Variants in SPATA7 observed in about 807,000 individuals in gnomAD.
SPATA7 encodes the protein spermatogenesis associated 7.
SPATA7 carries 43 observed loss-of-function variants against 51.8 expected under a neutral mutation model. That is an observed-to-expected ratio of 0.83 (90% CI 0.65 to 1.07). The LOEUF (loss-of-function observed/expected upper bound fraction) is 1.07, where lower values mean the gene tolerates loss of function less well. SPATA7 is among the 50% of genes least tolerant of loss of function. SPATA7 has a pLI of 0.00. For missense variants in SPATA7, 683 were observed against 701.3 expected (o/e 0.97, Z 0.30); for synonymous variants, 230 against 252.8 (o/e 0.91, Z 0.86).
intron 1 of SPATA7, among the ~76,000 whole-genome samples, chr14:88,390,996 A>G (rs2075729192): frequency 1.3e-5 from 2 of 152,210 alleles, no homozygotes; most frequent in South Asian, 4.2e-4. Context: ...TATTCTGACA[A>G]GCTTTGTTCT....
chr14:88,427,610 T>C lies in SPATA7; in HGVS notation c.846-20T>C, dbSNP rs796370859. 1.3e-6 allele frequency: 2 copies of C among 1,542,166 alleles called. No homozygotes were observed. Among genetic ancestry groups the C allele is most frequent in the African/African-American group, 2.8e-5 (2 of 72,682 alleles). ...TTATATTTTGAAGGATTAACAATTATTTATTTTAAATTATTACAGCTTTAA... is the reference window on the plus strand; with the variant it reads ...TTATATTTTGAAGGATTAACAATTACTTATTTTAAATTATTACAGCTTTAA... On this transcript the variant is annotated intron_variant, in intron 6 of 11. Transcript: ENST00000393545.
intron 3 of SPATA7, among the ~76,000 whole-genome samples, chr14:88,452,509 T>C (rs901908307): frequency 6.6e-6 from 1 of 152,164 alleles, no homozygotes; most frequent in Non-Finnish European, 1.5e-5. Context: ...TGTCCTTTTT[T>C]TTGGAGTTCT....
intron 2 of SPATA7, 129 bp from the exon 3 acceptor site, chr14:88,393,264 G>A (rs2075791345): frequency 2.9e-6 from 2 of 684,700 alleles, no homozygotes; most frequent in Non-Finnish European, 5.0e-6. Context: ...ACATCACAAT[G>A]TCATATATCA....
chr14:88,458,334 G>T (rs2077297732), downstream of SPATA7, among the ~76,000 whole-genome samples: 1 of 152,146 alleles, frequency 6.6e-6, no homozygotes, highest in African/African-American at 2.4e-5. Context: ...GTAGAATTCG[G>T]CTGTGAATCC....
At chr14:88,388,004 C>T (rs1021050123) in intron 1 of SPATA7, among the ~76,000 whole-genome samples, 2 of 152,066 alleles carry the variant, frequency 1.3e-5, no homozygotes, top group African/African-American at 4.8e-5. Flanking sequence ...AGTTTGAGAC[C>T]AGCCTGGGCA....
At chr14:88,419,561 T>G (rs1441361234) in intron 5 of SPATA7, among the ~76,000 whole-genome samples, 1 of 151,446 alleles carries the variant, frequency 6.6e-6, no homozygotes, top group African/African-American at 2.4e-5. Context: ...GAGTCTCGCT[T>G]TTTTACCCAG....
intron 4 of SPATA7, among the ~76,000 whole-genome samples, chr14:88,409,177 G>A (rs369575605): frequency 5.9e-5 from 9 of 152,106 alleles, no homozygotes; most frequent in African/African-American, 2.2e-4. Context: ...AATGGTACCA[G>A]CTCCTCTTTG....
chr14:88,448,735 T>A, intron 3 of SPATA7, among the ~76,000 whole-genome samples: 1 of 152,148 alleles, frequency 6.6e-6, no homozygotes, highest in Non-Finnish European at 1.5e-5. Flanking sequence ...TCTGTTGGAG[T>A]ACCCAGCCGT....
intron 4 of SPATA7, among the ~76,000 whole-genome samples, chr14:88,400,837 A>G (rs2076036779): frequency 6.6e-6 from 1 of 152,202 alleles, no homozygotes; most frequent in Non-Finnish European, 1.5e-5. Flanking sequence ...AAAATCTCAA[A>G]AAAATAAAAT....
chr14:88,459,574 TTCC>T (rs1265032810), downstream of SPATA7, among the ~76,000 whole-genome samples: 1 of 152,202 alleles, frequency 6.6e-6, no homozygotes, highest in African/African-American at 2.4e-5. Context: ...TTGGTAGATC[TTCC>T]TCCATCCCTT....
At chr14:88,462,934 C>T (rs1378702100) in intron 4 of SPATA7, among the ~76,000 whole-genome samples, 1 of 152,166 alleles carries the variant, frequency 6.6e-6, no homozygotes, top group Non-Finnish European at 1.5e-5. Context: ...TATATGGTTA[C>T]TATCCCTTTA....
intron 2 of SPATA7, among the ~76,000 whole-genome samples, chr14:88,392,805 C>T (rs570465259): frequency 1.1e-4 from 16 of 151,820 alleles, no homozygotes; most frequent in African/African-American, 3.9e-4. Context: ...TTAACTATTT[C>T]TAAGATTTCT....
At chr14:88,419,240 TAG>T (rs2076569036) in intron 5 of SPATA7, among the ~76,000 whole-genome samples, 1 of 152,100 alleles carries the variant, frequency 6.6e-6, no homozygotes, top group Non-Finnish European at 1.5e-5. Context: ...TTAGAGATAT[TAG>T]AGATACAGAA....
At chr14:88,441,909 T>G (rs1254854463), downstream of SPATA7, among the ~76,000 whole-genome samples, 1 of 152,222 alleles carries the variant, frequency 6.6e-6, no homozygotes, top group African/African-American at 2.4e-5. Flanking sequence ...TCATGAACAC[T>G]TTGCCTAAGC....
rs143203893 is a variant in SPATA7 at position 88,433,634 on chromosome 14, G to A, written c.1160+422G>A. Among the ~76,000 whole-genome samples the A allele has an allele frequency of 5.9e-3, 904 of 152,188 alleles. 12 individuals are homozygous for A. Among genetic ancestry groups the A allele is most frequent in the South Asian group, 0.055 (266 of 4,820 alleles). On this transcript the variant is annotated intron_variant, in intron 10 of 11. Transcript: ENST00000393545. Reference sequence around the variant, plus strand: ...AACAAATTAAGAGCTAGGTTTGCACGCTGTAAGTTAAATGGAAAGTTTGCA... The same window carrying A: ...AACAAATTAAGAGCTAGGTTTGCACACTGTAAGTTAAATGGAAAGTTTGCA...
intron 3 of SPATA7, among the ~76,000 whole-genome samples, chr14:88,444,364 G>A (rs918411386): frequency 1.4e-4 from 21 of 151,922 alleles, no homozygotes; most frequent in South Asian, 1.3e-3. Flanking sequence ...GTTTGAGTTC[G>A]TTGTAGATTC....
At chr14:88,386,035 C>T (rs1375894412) in intron 1 of SPATA7, 198 bp downstream of exon 1, 11 of 1,444,614 alleles carry the variant, frequency 7.6e-6, no homozygotes, top group Non-Finnish European at 1.0e-5. Flanking sequence ...CTCGCAGGTC[C>T]GCTTCTTTGC....
chr14:88,393,652 A>C (rs1392899228), intron 3 of SPATA7, 164 bp downstream of exon 3: 5 of 543,712 alleles, frequency 9.2e-6, no homozygotes, highest in Non-Finnish European at 1.6e-5. Flanking sequence ...TACTTAGCAA[A>C]TTCATACCCA....
intron 3 of SPATA7, among the ~76,000 whole-genome samples, chr14:88,451,943 G>A (rs1481129570): frequency 6.6e-6 from 1 of 152,098 alleles, no homozygotes; most frequent in African/African-American, 2.4e-5. Context: ...TTTTGTCTTG[G>A]TTTGGATCCA....
Sources: gnomAD v4.1 joint callset for allele counts (sites outside exome capture counted in the v4.1 genomes callset) on GRCh38, gnomAD v4.1.1 for gene constraint, MANE v1.5 for transcripts, NCBI Gene and HGNC (gene_info 2026-07-23, HGNC 2026-07-21) for gene names.